KCNJ12: variants seen among roughly 807,000 people sequenced by gnomAD.
KCNJ12 encodes the protein potassium inwardly rectifying channel subfamily J member 12, also known as ATP-sensitive inward rectifier potassium channel 12.
A neutral mutation model predicts 22.3 loss-of-function variants in KCNJ12; 2 were observed. The ratio of observed to expected loss-of-function variants is 0.09; its 90% CI spans 0.04 to 0.28. The LOEUF (loss-of-function observed/expected upper bound fraction) is 0.28, where lower values mean the gene tolerates loss of function less well. Among genes scored for constraint, KCNJ12 ranks in the 10% least tolerant of loss-of-function variants. The pLI is 1.00. For missense variants in KCNJ12, 155 were observed against 633.3 expected (o/e 0.24, Z 8.11); for synonymous variants, 117 against 261.4 (o/e 0.45, Z 5.33).
At chr17:21,400,025 C>T (rs1905517063) in intron 1 of KCNJ12, among the ~76,000 whole-genome samples, 1 of 152,292 alleles carries the variant, frequency 6.6e-6, no homozygotes, top group Admixed American at 6.5e-5. Flanking sequence ...CTCTGTGGGG[C>T]CCCGCTCGCT....
At chr17:21,396,191 G>A (rs1905355678) in intron 1 of KCNJ12, among the ~76,000 whole-genome samples, 1 of 152,082 alleles carries the variant, frequency 6.6e-6, no homozygotes, top group African/African-American at 2.4e-5. Flanking sequence ...TCGAGAACTT[G>A]CTGAGGCTAG....
chr17:21,380,081 G>A (rs1904814796), intron 1 of KCNJ12, among the ~76,000 whole-genome samples: 1 of 152,110 alleles, frequency 6.6e-6, no homozygotes, highest in Non-Finnish European at 1.5e-5. Flanking sequence ...CCCCTCAGGG[G>A]CATTTGACTG....
chr17:21,401,090 C>T (rs78681348), intron 1 of KCNJ12, among the ~76,000 whole-genome samples: 15 of 152,382 alleles, frequency 9.8e-5, no homozygotes, highest in South Asian at 2.1e-4. Flanking sequence ...TTGGGCTCTG[C>T]GGCAGGACCT....
rs549675136 is a variant in KCNJ12 at position 21,398,587 on chromosome 17, A to G, written c.-178-9932A>G. On this transcript the variant is annotated intron_variant, in intron 1 of 2. Transcript: ENST00000583088. ...ATCCTCAGCGGTGACCTGCTCATCTATGCAGTCATTTTTGGCTGCCGTCCT... is the reference window on the plus strand; with the variant it reads ...ATCCTCAGCGGTGACCTGCTCATCTGTGCAGTCATTTTTGGCTGCCGTCCT... Among the ~76,000 whole-genome samples the G allele has an allele frequency of 1.6e-3, 238 of 152,164 alleles. 2 individuals carry two copies. Among genetic ancestry groups the G allele is most frequent in the African/African-American group, 5.4e-3 (225 of 41,500 alleles).
At chr17:21,380,007 C>A (rs1904810470) in intron 1 of KCNJ12, among the ~76,000 whole-genome samples, 1 of 152,174 alleles carries the variant, frequency 6.6e-6, no homozygotes, top group African/African-American at 2.4e-5. Context: ...CTGTGGGGCT[C>A]AGACCCAGAG....
At chr17:21,383,064 G>C (rs932447776) in intron 1 of KCNJ12, among the ~76,000 whole-genome samples, 7 of 152,192 alleles carry the variant, frequency 4.6e-5, no homozygotes, top group Non-Finnish European at 8.8e-5. Context: ...TTGGGGACTT[G>C]GCAGGGGAGG....
intron 1 of KCNJ12, among the ~76,000 whole-genome samples, chr17:21,389,084 C>G (rs1295276375): frequency 6.6e-6 from 1 of 152,174 alleles, no homozygotes; most frequent in African/African-American, 2.4e-5. Flanking sequence ...CAAATTTACC[C>G]CATTTAAACT....
intron 2 of KCNJ12, among the ~76,000 whole-genome samples, chr17:21,411,874 C>T (rs1317339029): frequency 1.3e-5 from 2 of 152,424 alleles, no homozygotes; most frequent in Admixed American, 1.3e-4. Context: ...CCTGTGTTTA[C>T]GCAGGAGTGT....
chr17:21,390,259 C>T (rs1400599595), intron 1 of KCNJ12, among the ~76,000 whole-genome samples: 13 of 152,324 alleles, frequency 8.5e-5, no homozygotes, highest in East Asian at 3.9e-4. Flanking sequence ...TCCCTCCCTC[C>T]GCTGGACCCT....
intron 2 of KCNJ12, among the ~76,000 whole-genome samples, chr17:21,412,477 C>T (rs1220961923): frequency 2.0e-5 from 3 of 152,304 alleles, no homozygotes; most frequent in South Asian, 2.1e-4. Context: ...AGCCATGACC[C>T]GCTGGAAGTC....
chr17:21,400,891 G>A lies in KCNJ12; in HGVS notation c.-178-7628G>A, dbSNP rs1321589023. On this transcript the variant is annotated intron_variant, in intron 1 of 2. Coordinates refer to ENST00000583088, the MANE Select transcript of KCNJ12 (RefSeq NM_021012.5). ...ATGAGCGCCCTAACTAGCAAGACCC[G>A]GTGGCAGCCGTCCTACTGACTCCAT... Among the ~76,000 whole-genome samples, 15 of 152,412 alleles carry A rather than the reference G, an allele frequency of 9.8e-5. No individual in the cohort carries two copies. The East Asian group carries it at 2.5e-3, about 25-fold the overall frequency.
intron 1 of KCNJ12, among the ~76,000 whole-genome samples, chr17:21,405,617 C>T (rs1413151071): frequency 2.0e-5 from 3 of 152,300 alleles, no homozygotes; most frequent in Non-Finnish European, 4.4e-5. Flanking sequence ...AGCCCAGGCC[C>T]TGCCCTCCCC....
intron 1 of KCNJ12, among the ~76,000 whole-genome samples, chr17:21,377,807 T>C (rs1156912691): frequency 1.3e-5 from 2 of 152,192 alleles, no homozygotes; most frequent in East Asian, 3.9e-4. Flanking sequence ...GGGGACGGTC[T>C]TGTTCTGGGA....
In KCNJ12 at chr17:21,381,863, A is replaced by G. The variant is rs1597551948; in HGVS notation, c.-179+4950A>G. On this transcript the variant is annotated intron_variant, in intron 1 of 2. Transcript: ENST00000583088. Reference sequence around the variant, plus strand: ...TGTCCCCAGTGCCTAAGCGGTAGGCAGGAGATGGCAGGCGCCCAGTAAACA... The same window carrying G: ...TGTCCCCAGTGCCTAAGCGGTAGGCGGGAGATGGCAGGCGCCCAGTAAACA... Among the ~76,000 whole-genome samples the G allele has an allele frequency of 2.0e-5, 3 of 152,360 alleles. No homozygotes were observed. The South Asian group carries it at 6.2e-4, about 32-fold the overall frequency.
At chr17:21,391,210 G>C (rs1258276332) in intron 1 of KCNJ12, among the ~76,000 whole-genome samples, 1 of 152,230 alleles carries the variant, frequency 6.6e-6, no homozygotes, top group Non-Finnish European at 1.5e-5. Flanking sequence ...TGTCATGGCT[G>C]CTCAGCCTTT....
At chr17:21,379,672 C>G (rs914068968) in intron 1 of KCNJ12, among the ~76,000 whole-genome samples, 1 of 151,106 alleles carries the variant, frequency 6.6e-6, no homozygotes, top group Non-Finnish European at 1.5e-5. Context: ...ATGGCTGTGC[C>G]GGGAACTGGC....
intron 1 of KCNJ12, among the ~76,000 whole-genome samples, chr17:21,385,007 C>T (rs1218084096): frequency 1.3e-5 from 2 of 152,026 alleles, no homozygotes; most frequent in African/African-American, 4.8e-5. Context: ...GATCTCCTGA[C>T]CTCGTGATCC....
At chr17:21,409,624 T>A (rs1906204917) in intron 2 of KCNJ12, among the ~76,000 whole-genome samples, 3 of 152,308 alleles carry the variant, frequency 2.0e-5, no homozygotes, top group African/African-American at 7.2e-5. Context: ...AGTCACTGAC[T>A]GAAAGCTGTC....
chr17:21,390,187 G>A lies in KCNJ12; in HGVS notation c.-179+13274G>A, dbSNP rs576856489. Among the ~76,000 whole-genome samples the A allele has an allele frequency of 1.9e-3, 289 of 152,236 alleles. 1 individual carries two copies. The highest frequency in any genetic ancestry group is 6.6e-3 in the African/African-American group (276 of 41,554). On this transcript the variant is annotated intron_variant, in intron 1 of 2. Coordinates refer to ENST00000583088, the MANE Select transcript of KCNJ12 (RefSeq NM_021012.5). ...ACAGCTTCCCTCCCCATGATGGACT[G>A]TCACCCCTCACCCACAGGGCCCACC...
Sources: allele counts gnomAD v4.1 joint callset (sites outside exome capture counted in the v4.1 genomes callset), GRCh38; gene constraint gnomAD v4.1.1; transcripts MANE v1.5; gene names NCBI Gene and HGNC (gene_info 2026-07-23, HGNC 2026-07-21).